BANK1: variants seen among roughly 807,000 people sequenced by gnomAD.
BANK1 encodes B-cell scaffold protein with ankyrin repeats.
Under a neutral mutation model 94.5 loss-of-function variants are expected in BANK1, and 95 were observed. The ratio of observed to expected loss-of-function variants is 1.00; its 90% confidence interval spans 0.85 to 1.19. The LOEUF is 1.19. BANK1 is among the 50% of genes most tolerant of loss of function. The pLI, the probability that BANK1 is intolerant of heterozygous loss-of-function variation, is 0.00. For synonymous variants in BANK1, 334 were observed against 308.4 expected, an observed-to-expected ratio of 1.08 and a Z score of -0.87; for missense variants, 987 against 932.2, an observed-to-expected ratio of 1.06 and a Z score of -0.77.
At chr4:101,910,694 GAAA>G (rs1159879652) in intron 6 of BANK1, among the ~76,000 whole-genome samples, 4 of 67,726 alleles carry the variant, frequency 5.9e-5, no homozygotes, top group African/African-American at 1.2e-4. Flanking sequence ...ACTCCGTCTC[GAAA>G]AAAAAAAAAA....
intron 2 of BANK1, among the ~76,000 whole-genome samples, chr4:101,842,407 A>G (rs2148868380): frequency 6.6e-6 from 1 of 152,372 alleles, no homozygotes; most frequent in Middle Eastern, 3.4e-3. Flanking sequence ...AGAACTTTCT[A>G]CACATTTTAA....
chr4:101,821,732 T>C (rs1443228314), intron 1 of BANK1, among the ~76,000 whole-genome samples: 1 of 152,190 alleles, frequency 6.6e-6, no homozygotes, highest in Non-Finnish European at 1.5e-5. Context: ...AAAAATTCTT[T>C]ACTACACTAG....
intron 10 of BANK1, among the ~76,000 whole-genome samples, chr4:102,030,810 A>G (rs186546413): frequency 9.9e-5 from 15 of 152,208 alleles, no homozygotes; most frequent in African/African-American, 2.2e-4. Context: ...TGGTGTATAT[A>G]TGCCACATTT....
chr4:102,052,020 A>G (rs903240709), intron 11 of BANK1, among the ~76,000 whole-genome samples: 1 of 152,080 alleles, frequency 6.6e-6, no homozygotes, highest in Non-Finnish European at 1.5e-5. Context: ...CTGCAGTCCC[A>G]GGAATTTGAC....
chr4:102,014,526 C>T (rs781675700), intron 7 of BANK1, among the ~76,000 whole-genome samples: 6 of 152,114 alleles, frequency 3.9e-5, no homozygotes, highest in South Asian at 2.1e-4. Flanking sequence ...AGAATTATTA[C>T]AAGTTTACTC....
At chr4:101,978,746 T>A (rs1725224758) in intron 7 of BANK1, among the ~76,000 whole-genome samples, 1 of 152,064 alleles carries the variant, frequency 6.6e-6, no homozygotes, top group African/African-American at 2.4e-5. Flanking sequence ...ATTTTCTTAT[T>A]TAATGCCACA....
In BANK1 at chr4:102,012,649, T is replaced by G. The variant is rs1726548296; in HGVS notation, c.1207-8865T>G. On this transcript the variant is annotated intron_variant, in intron 7 of 16. Transcript: ENST00000322953. The stretch of plus-strand genomic sequence containing the variant: ...AGGTGTTCAAGTAGTATTATATGTT[T>G]GCTTCTAGCTTGGATTTCAGAAGTT... 1.3e-5 allele frequency among the ~76,000 whole-genome samples: 2 copies of G among 152,184 alleles called. 1 individual carries two copies. The highest frequency in any genetic ancestry group is 4.8e-5 in the African/African-American group (2 of 41,466).
At chr4:102,022,720 C>G (rs972158506) in intron 8 of BANK1, among the ~76,000 whole-genome samples, 14 of 152,106 alleles carry the variant, frequency 9.2e-5, no homozygotes, top group Non-Finnish European at 2.1e-4. Flanking sequence ...GGACTAAACA[C>G]CTTTCATGAA....
chr4:101,941,374 C>G (rs1723736806), intron 7 of BANK1, among the ~76,000 whole-genome samples: 1 of 151,776 alleles, frequency 6.6e-6, no homozygotes, highest in Non-Finnish European at 1.5e-5. Context: ...GCTAGAGGTG[C>G]TCACTGCTAC....
At chr4:101,981,895 A>C (rs1354685115) in intron 7 of BANK1, 1 of 152,166 alleles carries the variant, frequency 6.6e-6, no homozygotes, top group Non-Finnish European at 1.5e-5. Context: ...GCTGCTTGGC[A>C]TACTTCTTGT....
At chr4:102,031,886 G>C (rs1404338313) in intron 10 of BANK1, among the ~76,000 whole-genome samples, 1 of 152,140 alleles carries the variant, frequency 6.6e-6, no homozygotes, top group Non-Finnish European at 1.5e-5. Context: ...GTATTTATCA[G>C]TATAAAATAC....
Position 101,830,010 on chromosome 4 carries a change from A to G in BANK1, c.273A>G (p.Arg91=). The G allele has an allele frequency of 6.2e-7, 1 of 1,613,398 alleles. No individual in the cohort carries two copies. Among genetic ancestry groups the G allele is most frequent in the African/African-American group, 1.3e-5 (1 of 75,018 alleles). The change falls in exon 2 of 17, where the codon AGA becomes AGG. Residue 91 remains arginine, a synonymous_variant. Coordinates refer to ENST00000322953, the MANE Select transcript of BANK1 (RefSeq NM_017935.5). The stretch of plus-strand genomic sequence containing the variant: ...TGATATTATCAAATAGCCTGCTTAG[A>G]GACCTAACTCCAAAGAAATGTCAGT... ...KLLILSNSLL[R]DLTPKKCQFL...
chr4:101,852,493 TATATATATATACAC>T (rs1158215945), intron 2 of BANK1, among the ~76,000 whole-genome samples: 40 of 111,754 alleles, frequency 3.6e-4, no homozygotes, highest in Admixed American at 1.0e-3. Context: ...TATATATATA[TATATATATATACAC>T]ACACACATAT....
At chr4:101,995,724 T>C (rs987258590) in intron 7 of BANK1, among the ~76,000 whole-genome samples, 1 of 152,244 alleles carries the variant, frequency 6.6e-6, no homozygotes, top group Non-Finnish European at 1.5e-5. Context: ...CATATGTTTT[T>C]TGGCCACATA....
At chr4:101,794,642 G>C (rs1725093796) in intron 1 of BANK1, among the ~76,000 whole-genome samples, 1 of 152,042 alleles carries the variant, frequency 6.6e-6, no homozygotes, top group African/African-American at 2.4e-5. Context: ...CATTGAAATA[G>C]TCCCAGTGGT....
chr4:102,061,965 C>T (rs1275532531), intron 12 of BANK1: 1 of 152,148 alleles, frequency 6.6e-6, no homozygotes, highest in Non-Finnish European at 1.5e-5. Flanking sequence ...AGGAATCAGT[C>T]AGTCCTTAAC....
intron 7 of BANK1, among the ~76,000 whole-genome samples, chr4:101,958,148 G>A (rs185319006): frequency 6.6e-6 from 1 of 152,046 alleles, no homozygotes; most frequent in African/African-American, 2.4e-5. Flanking sequence ...TCCTGGCCTA[G>A]GTTTGTTATT....
At chr4:101,847,480 C>T (rs1015969810) in intron 2 of BANK1, among the ~76,000 whole-genome samples, 3 of 151,722 alleles carry the variant, frequency 2.0e-5, no homozygotes, top group African/African-American at 7.3e-5. Flanking sequence ...TTTTGGTGCA[C>T]CCATCACCCA....
intron 7 of BANK1, among the ~76,000 whole-genome samples, chr4:102,016,709 CCTT>C (rs1429722684): frequency 1.3e-5 from 2 of 152,156 alleles, no homozygotes; most frequent in African/African-American, 4.8e-5. Context: ...TTACTTAAAA[CCTT>C]CTCTCCTGAT....
Sources: gnomAD v4.1 joint callset for allele counts (sites outside exome capture counted in the v4.1 genomes callset) on GRCh38, gnomAD v4.1.1 for gene constraint, MANE v1.5 for transcripts, NCBI Gene and HGNC (gene_info 2026-07-23, HGNC 2026-07-21) for gene names.